The following WDR64 variants were observed in gnomAD, a reference collection of about 807,000 sequenced individuals.
The protein encoded by WDR64 is WD repeat domain 64, also known as WD repeat-containing protein 64.
WDR64 carries 112 observed loss-of-function variants against 139.3 expected under a neutral mutation model. That is an observed-to-expected ratio of 0.80 (90% CI 0.69 to 0.94). WDR64 has a LOEUF of 0.94. Ranked by LOEUF, WDR64 falls within the 40% of genes least tolerant of loss-of-function variation. WDR64 has a pLI of 0.00. For missense variants in WDR64, 1,206 were observed against 1,293.1 expected, an observed-to-expected ratio of 0.93 and a Z score of 1.03; for synonymous variants, 444 against 437.7, an observed-to-expected ratio of 1.01 and a Z score of -0.18.
chr1:241,797,367 C>T (rs1342866), intron 27 of WDR64, among the ~76,000 whole-genome samples: 119,460 of 152,096 alleles, frequency 0.79, 48,283 homozygotes, highest in East Asian at 1. Flanking sequence ...TCTAGAAGCT[C>T]TCAGGGGCCT....
At chr1:241,681,090 C>CT (rs1666771009) in intron 6 of WDR64, among the ~76,000 whole-genome samples, 1 of 151,892 alleles carries the variant, frequency 6.6e-6, no homozygotes, top group African/African-American at 2.4e-5. Flanking sequence ...AGCCTCTTCT[C>CT]TCTCTCTCTC....
rs1669907499 is a variant in WDR64 at position 241,749,695 on chromosome 1, G to A, written c.1743G>A (p.Glu581=). ...EKHQQLVLAL[E]RNGTIKMIQG... ...ACCAGCAGCTGGTCCTGGCCTTGGAGCGCAACGGGACTATCAAAATGATCC... is the reference window on the plus strand; with the variant it reads ...ACCAGCAGCTGGTCCTGGCCTTGGAACGCAACGGGACTATCAAAATGATCC... The change falls in exon 14 of 28, where the codon GAG becomes GAA. Residue 581 remains glutamate (E), a synonymous_variant. Coordinates refer to ENST00000437684, the MANE Select transcript of WDR64 (RefSeq NM_001367482.1). 6.2e-7 allele frequency: 1 copy of A among 1,613,972 alleles called. No individual in the cohort carries two copies. The highest frequency in any genetic ancestry group is 1.3e-5 in the African/African-American group (1 of 74,922).
intron 23 of WDR64, among the ~76,000 whole-genome samples, 196 bp from the exon 24 acceptor site, chr1:241,787,653 A>G (rs145175951): frequency 0.042 from 6,037 of 144,104 alleles, 320 homozygotes; most frequent in East Asian, 0.28. Context: ...CAACAAGAGC[A>G]AAACTCCATC....
At chr1:241,781,995 A>G (rs1329411263) in intron 22 of WDR64, among the ~76,000 whole-genome samples, 1 of 152,208 alleles carries the variant, frequency 6.6e-6, no homozygotes, top group Non-Finnish European at 1.5e-5. Flanking sequence ...CTTTGAGACA[A>G]TAAGAAGTAG....
At chr1:241,654,834 T>C (rs1311399043) in intron 1 of WDR64, among the ~76,000 whole-genome samples, 2 of 152,240 alleles carry the variant, frequency 1.3e-5, no homozygotes, top group African/African-American at 2.4e-5. Context: ...ATTAAAACTA[T>C]TGTATAAAAT....
In WDR64 at chr1:241,775,166, TGTATACTGATTC is replaced by T. The variant is rs1417013381; in HGVS notation, c.2493_2504del (p.Tyr832_Ser835del). The T allele has an allele frequency of 3.9e-6, 6 of 1,551,030 alleles. No individual in the cohort carries two copies. Among genetic ancestry groups the T allele is most frequent in the African/African-American group, 1.4e-5 (1 of 73,062 alleles). ...CATTCTGCCATTTCTCTGACATCGC[TGTATACTGATTC>T]ATGTACGAGGATACTACTGGCTGGA... On this transcript the variant is annotated inframe_deletion, in exon 21 of 28. Transcript: ENST00000437684.
rs1484825511 is a variant in WDR64 at position 241,757,340 on chromosome 1, T to C, written c.1828T>C (p.Phe610Leu). Residue 610 changes from phenylalanine (F) to leucine (L), a missense_variant, in exon 15 of 28, where the codon TTC (phenylalanine) becomes CTC (leucine). Coordinates refer to ENST00000437684, the MANE Select transcript of WDR64 (RefSeq NM_001367482.1). ...VIWELPDVVP[F>L]LQDGKHAVHL... is the part of the protein sequence containing the mutation. ...CTGGGAGCTGCCTGATGTTGTGCCT[T>C]TCCTACAAGATGGGAAACATGCTGT... 5.6e-6 allele frequency: 9 copies of C among 1,613,976 alleles called. No homozygotes were observed. In the South Asian group the frequency reaches 9.9e-5, roughly 18 times the overall value.
At chr1:241,742,334 C>G (rs533677450) in intron 12 of WDR64, among the ~76,000 whole-genome samples, 1 of 152,322 alleles carries the variant, frequency 6.6e-6, no homozygotes, top group East Asian at 1.9e-4. Flanking sequence ...CTGAGAGCTA[C>G]TGGGCTGCAT....
chr1:241,654,084 C>A lies in WDR64; in HGVS notation c.145+1455C>A, dbSNP rs182253041. On this transcript the variant is annotated intron_variant, in intron 1 of 27. Transcript: ENST00000437684. ...TCTACGTCATAAAAGAAAGCAAGGT[C>A]AAAAGACAAGAATTCTCTCAAACCC... 3.9e-5 allele frequency among the ~76,000 whole-genome samples: 6 copies of A among 152,262 alleles called. No individual in the cohort carries two copies. In the East Asian group the frequency reaches 1.2e-3, roughly 29 times the overall value.
At chr1:241,705,448 A>G (rs961207999) in intron 8 of WDR64, among the ~76,000 whole-genome samples, 1 of 151,664 alleles carries the variant, frequency 6.6e-6, no homozygotes, top group Admixed American at 6.6e-5. Flanking sequence ...AGGCTGAGGC[A>G]GGAGAATGGC....
chr1:241,751,778 G>A (rs898709647), intron 14 of WDR64, among the ~76,000 whole-genome samples: 5 of 152,198 alleles, frequency 3.3e-5, no homozygotes, highest in African/African-American at 1.2e-4. Flanking sequence ...CACGTAACAA[G>A]AGGGCAGACC....
rs768226895 is a variant in WDR64 at position 241,787,862 on chromosome 1, C to T, written c.2719C>T (p.Leu907Phe). The T allele has an allele frequency of 1.8e-5, 28 of 1,591,278 alleles. No homozygotes were observed. Among genetic ancestry groups the T allele is most frequent in the South Asian group, 2.3e-5 (2 of 86,332 alleles). Residue 907 changes from leucine to phenylalanine, a missense_variant, in exon 24 of 28, where the codon CTC becomes TTC. Leu to Phe is a conservative substitution (Grantham distance 22, BLOSUM62 0). Coordinates refer to ENST00000437684, the MANE Select transcript of WDR64 (RefSeq NM_001367482.1). ...IDGSVRLWHA[L>F]NGHYCGYFGQ... The stretch of plus-strand genomic sequence containing the variant: ...TCCTTCCCTCAGGCTCTGGCATGCC[C>T]TCAATGGACATTATTGTGGATATTT...
chr1:241,702,200 T>A (rs962460213), intron 8 of WDR64, among the ~76,000 whole-genome samples: 2 of 152,210 alleles, frequency 1.3e-5, no homozygotes, highest in Non-Finnish European at 2.9e-5. Flanking sequence ...TCAGCATTAC[T>A]TTTTATTATT....
chr1:241,676,940 A>G (rs995821983), intron 4 of WDR64, among the ~76,000 whole-genome samples: 4 of 152,284 alleles, frequency 2.6e-5, no homozygotes, highest in African/African-American at 9.6e-5. Flanking sequence ...GATTGTTGCA[A>G]GCCTTACAAA....
intron 9 of WDR64, among the ~76,000 whole-genome samples, chr1:241,714,644 C>T (rs1469012672): frequency 6.6e-6 from 1 of 152,046 alleles, no homozygotes; most frequent in Non-Finnish European, 1.5e-5. Context: ...AATCTATGCT[C>T]AGCTCTGGGC....
intron 26 of WDR64, 130 bp downstream of exon 26, chr1:241,795,417 C>T (rs1045144536): frequency 5.3e-5 from 40 of 759,064 alleles, no homozygotes; most frequent in African/African-American, 3.4e-4. Context: ...CTTCCAAAAA[C>T]GTATCATGTG....
At chr1:241,697,133 A>C (rs1667524374) in intron 8 of WDR64, among the ~76,000 whole-genome samples, 1 of 152,170 alleles carries the variant, frequency 6.6e-6, no homozygotes, top group Admixed American at 6.5e-5. Flanking sequence ...TTCTGTTAGC[A>C]GAGCCCTTAG....
At chr1:241,663,072 T>C (rs2148059760) in intron 2 of WDR64, among the ~76,000 whole-genome samples, 1 of 152,092 alleles carries the variant, frequency 6.6e-6, no homozygotes, top group East Asian at 1.9e-4. Context: ...ACACCAGCAA[T>C]AACCACCCCT....
intron 5 of WDR64, among the ~76,000 whole-genome samples, chr1:241,679,264 A>G (rs1381279341): frequency 6.6e-6 from 1 of 152,158 alleles, no homozygotes; most frequent in African/African-American, 2.4e-5. Flanking sequence ...CGCTAACTGA[A>G]TCATTCTCCA....
Sources: gnomAD v4.1 joint callset for allele counts (sites outside exome capture counted in the v4.1 genomes callset) on GRCh38, gnomAD v4.1.1 for gene constraint, MANE v1.5 for transcripts, NCBI Gene and HGNC (gene_info 2026-07-23, HGNC 2026-07-21) for gene names.